Variants in FN1 observed in about 807,000 individuals in gnomAD.
FN1 encodes fibronectin.
In FN1, 106 loss-of-function variants were observed where a neutral mutation model predicts 297.3. That is an observed-to-expected ratio of 0.36 (90% CI 0.30 to 0.42). The LOEUF (loss-of-function observed/expected upper bound fraction) is 0.42. FN1 is among the 10% of genes least tolerant of loss of function. FN1 has a pLI of 1.00. For missense variants in FN1, 2,690 were observed against 3,124.9 expected (o/e 0.86, Z 3.32); for synonymous variants, 1,149 against 1,152.6 (o/e 1.00, Z 0.06).
intron 28 of FN1, among the ~76,000 whole-genome samples, chr2:215,386,252 T>C (rs1346085936): frequency 1.3e-5 from 2 of 151,898 alleles, no homozygotes; most frequent in Non-Finnish European, 2.9e-5. Context: ...AATTTTTGTA[T>C]ATTTAGTAGA....
chr2:215,367,007 A>T (rs1024216989), intron 42 of FN1, among the ~76,000 whole-genome samples: 1 of 152,216 alleles, frequency 6.6e-6, no homozygotes, highest in Non-Finnish European at 1.5e-5. Flanking sequence ...AATGATTTCA[A>T]GTATACAAGT....
At chr2:215,421,983 T>C in intron 10 of FN1, 108 bp downstream of exon 10, 1 of 1,041,534 alleles carries the variant, frequency 9.6e-7, no homozygotes, top group East Asian at 2.4e-5. Context: ...GACGTGGCAT[T>C]CCATATTTCT....
At chr2:215,418,270 T>C (rs1437799) in intron 12 of FN1, among the ~76,000 whole-genome samples, 41,797 of 152,124 alleles carry the variant, frequency 0.27, 6,136 homozygotes, top group Non-Finnish European at 0.31. Flanking sequence ...GGATGGAACA[T>C]TAAAGGTAAT....
At chr2:215,405,865 A>T (rs1028226956) in intron 19 of FN1, among the ~76,000 whole-genome samples, 1 of 152,226 alleles carries the variant, frequency 6.6e-6, no homozygotes, top group African/African-American at 2.4e-5. Context: ...GTAATACTAG[A>T]CACTTGACAA....
At chr2:215,400,898 T>C (rs965626078) in intron 20 of FN1, among the ~76,000 whole-genome samples, 5 of 150,694 alleles carry the variant, frequency 3.3e-5, no homozygotes, top group Non-Finnish European at 7.4e-5. Flanking sequence ...TGGGTTCAAG[T>C]GATTCTCCTG....
chr2:215,370,323 C>A lies in FN1; in HGVS notation c.6824G>T (p.Arg2275Leu), dbSNP rs6728999. The part of the protein sequence containing the change: ...ALKDQQRHKV[R>L]EEVVTVGNSV... The stretch of plus-strand genomic sequence containing the variant: ...GTTGCCCACGGTAACAACCTCTTCC[C>A]GAACCTTATGCCTCTGCTGGTCTTT... The change falls in exon 41 of 46, where the codon CGG becomes CTG. Residue 2275 changes from arginine to leucine, a missense_variant. Arg to Leu is a moderately radical substitution (Grantham distance 102, BLOSUM62 -2). Coordinates refer to ENST00000354785, the MANE Select transcript of FN1 (RefSeq NM_212482.4). The A allele has an allele frequency of 6.2e-7, 1 of 1,613,854 alleles. No homozygotes were observed. The highest frequency in any genetic ancestry group is 1.7e-5 in the Admixed American group (1 of 60,002).
rs374393885 is a variant in FN1 at position 215,383,452 on chromosome 2, G to A, written c.4926C>T (p.Thr1642=). The A allele has an allele frequency of 3.7e-5, 60 of 1,613,928 alleles. No individual in the cohort carries two copies. Among genetic ancestry groups the A allele is most frequent in the African/African-American group, 1.7e-4 (13 of 74,880 alleles). Residue 1642 remains threonine, a synonymous_variant, in exon 31 of 46, where the codon ACC becomes ACT. Coordinates refer to ENST00000354785, the MANE Select transcript of FN1 (RefSeq NM_212482.4). Reference sequence around the variant, plus strand: ...CACTAATGCTGTTGTCCTGAACATCGGTCACTTGCATCTGGGATGGTTTGT... The same window carrying A: ...CACTAATGCTGTTGTCCTGAACATCAGTCACTTGCATCTGGGATGGTTTGT... ...EIDKPSQMQV[T]DVQDNSISVK... is the part of the protein sequence containing the mutation.
Position 215,394,820 on chromosome 2 carries a change from C to A in FN1, c.3605-101G>T. The A allele has an allele frequency of 2.2e-6, 2 of 902,756 alleles. 1 individual carries two copies. The highest frequency in any genetic ancestry group is 2.7e-5 in the South Asian group (2 of 73,400). 55.9% of individuals were successfully genotyped at this position (902,756 alleles called of 1,614,324 possible). ...TGGATTCACAGGGCGGAATGCAGGA[C>A]TTGGCATTTACTGAGGACTCCACTG... On this transcript the variant is annotated intron_variant, in intron 23 of 45. Transcript: ENST00000354785.
rs1203655852 is a variant in FN1, at chr2:215,381,477, GTTTTGTTTTT to G, written c.5165-407_5165-398del. On this transcript the variant is annotated intron_variant, in intron 32 of 45. Coordinates refer to ENST00000354785, the MANE Select transcript of FN1 (RefSeq NM_212482.4). ...AGATTCAAATTGTTATAATTGTTTT[GTTTTGTTTTT>G]TTTTGAGATGGAGTCTCACTCTATC... The G allele has an allele frequency of 1.2e-4, 38 of 309,246 alleles. No homozygotes were observed. In the East Asian group the frequency reaches 2.0e-3, roughly 16 times the overall value. The allele number at this position is 309,246 out of a possible 1,614,324, so 19.2% of individuals were successfully genotyped here.
Position 215,365,501 on chromosome 2 carries a change from A to G in FN1, c.7144+4T>C, listed in dbSNP as rs751589162. 37 of 1,613,972 alleles carry G rather than the reference A, an allele frequency of 2.3e-5. No individual in the cohort carries two copies. The South Asian group carries it at 4.0e-4, about 17-fold the overall frequency. ...GGCACTAAAAATGATCTGTGATGACATACGAGGGTCACACTTGAATTCTCC... is the reference window on the plus strand; with the variant it reads ...GGCACTAAAAATGATCTGTGATGACGTACGAGGGTCACACTTGAATTCTCC... On this transcript the variant is annotated splice_donor_region_variant and intron_variant, in intron 43 of 45. Coordinates refer to ENST00000354785, the MANE Select transcript of FN1 (RefSeq NM_212482.4).
Position 215,406,244 on chromosome 2 carries a change from T to C in FN1, c.2980A>G (p.Thr994Ala), listed in dbSNP as rs771650351. The C allele has an allele frequency of 1.7e-5, 28 of 1,614,130 alleles. No individual in the cohort carries two copies. The South Asian group carries it at 3.0e-4, about 17-fold the overall frequency. The stretch of plus-strand genomic sequence containing the variant: ...GAGATAGGAGAAGACATACTGGTTG[T>C]CTGTTGAGCAGTCAGAGGCTTGCTC... ...RESKPLTAQQ[T>A]TKLDAPTNLQ... is the part of the protein sequence containing the mutation. The change falls in exon 19 of 46, where the codon ACA (threonine) becomes GCA (alanine). Residue 994 changes from threonine (T) to alanine (A), a missense_variant. Physicochemically the swap from Thr to Ala is moderately conservative, Grantham distance 58. Coordinates refer to ENST00000354785, the MANE Select transcript of FN1 (RefSeq NM_212482.4).
intron 12 of FN1, among the ~76,000 whole-genome samples, chr2:215,415,500 A>C (rs2063313776): frequency 6.6e-6 from 1 of 152,210 alleles, no homozygotes; most frequent in African/African-American, 2.4e-5. Flanking sequence ...GTAATAATTA[A>C]AGACCTAGTT....
At chr2:215,434,436 CTT>C (rs1221213012) in intron 2 of FN1, among the ~76,000 whole-genome samples, 1 of 152,132 alleles carries the variant, frequency 6.6e-6, no homozygotes, top group South Asian at 2.1e-4. Context: ...CACACAAAAT[CTT>C]TCATTTTTCT....
rs564563866 is a variant in FN1 at position 215,426,709 on chromosome 2, T to C, written c.845-1424A>G. Among the ~76,000 whole-genome samples the C allele has an allele frequency of 3.9e-5, 6 of 152,250 alleles. No individual in the cohort carries two copies. The South Asian group carries it at 1.0e-3, about 26-fold the overall frequency. On this transcript the variant is annotated intron_variant, in intron 6 of 45. Coordinates refer to ENST00000354785, the MANE Select transcript of FN1 (RefSeq NM_212482.4). Reference sequence around the variant, plus strand: ...ACAGATTCTGCAGAGCAGGTTCCATTTTGTTTAACCCATTGCTTCTCAAAC... The same window carrying C: ...ACAGATTCTGCAGAGCAGGTTCCATCTTGTTTAACCCATTGCTTCTCAAAC...
At chr2:215,418,526 C>T (rs1022551640) in intron 12 of FN1, among the ~76,000 whole-genome samples, 1 of 152,182 alleles carries the variant, frequency 6.6e-6, no homozygotes, top group African/African-American at 2.4e-5. Flanking sequence ...AGCAGTTGCT[C>T]AAATAACTGA....
Position 215,435,772 on chromosome 2 carries a change from G to T in FN1, c.31C>A (p.Leu11Met). Residue 11 changes from leucine (L) to methionine (M), a missense_variant, in exon 1 of 46, where the codon CTG (leucine) becomes ATG (methionine). Transcript: ENST00000354785. Reference sequence around the variant, plus strand: ...GTCCCCAGGCACTGGACGGCCAGCAGCAGCAGCCCGGGCCCCGGACCCCTA... The same window carrying T: ...GTCCCCAGGCACTGGACGGCCAGCATCAGCAGCCCGGGCCCCGGACCCCTA... MLRGPGPGLL[L>M]LAVQCLGTAV... is the part of the protein sequence containing the mutation. The T allele has an allele frequency of 6.3e-7, 1 of 1,582,206 alleles. No individual in the cohort carries two copies.
In FN1 at chr2:215,375,267, G is replaced by A; in HGVS notation, c.6104C>T (p.Pro2035Leu). Residue 2035 changes from proline to leucine, a missense_variant, in exon 38 of 46, where the codon CCC (proline) becomes CTC (leucine). Physicochemically the swap from Pro to Leu is moderately conservative, Grantham distance 98. Transcript: ENST00000354785. ...GCGGGGCCGAGGGACCACTTCTCTGGGAGGAGACCCAGGCTTCTCATACTT... is the reference window on the plus strand; with the variant it reads ...GCGGGGCCGAGGGACCACTTCTCTGAGAGGAGACCCAGGCTTCTCATACTT... ...IIKYEKPGSP[P>L]REVVPRPRPG... is the part of the protein sequence containing the mutation. 6.2e-7 allele frequency: 1 copy of A among 1,614,114 alleles called. No homozygotes were observed. Among genetic ancestry groups the A allele is most frequent in the Non-Finnish European group, 8.5e-7 (1 of 1,180,016 alleles).
At chr2:215,413,491 GATTA>G (rs1332248727) in intron 13 of FN1, among the ~76,000 whole-genome samples, 5 of 152,126 alleles carry the variant, frequency 3.3e-5, no homozygotes, top group African/African-American at 1.2e-4. Flanking sequence ...TTGCCCCTGT[GATTA>G]ATTATCCACA....
Position 215,409,918 on chromosome 2 carries a change from G to A in FN1, c.2122+16C>T, listed in dbSNP as rs2106301795. The stretch of plus-strand genomic sequence containing the variant: ...AACCTCGGGGGTAGGAGGCATGAGG[G>A]TGGTTGTGTACATACTGGTCACAGG... On this transcript the variant is annotated intron_variant, in intron 14 of 45. Transcript: ENST00000354785. 1 of 1,613,636 alleles carries A rather than the reference G, an allele frequency of 6.2e-7. No homozygotes were observed. The highest frequency in any genetic ancestry group is 1.1e-5 in the South Asian group (1 of 91,028).
Sources: allele counts gnomAD v4.1 joint callset (sites outside exome capture counted in the v4.1 genomes callset), GRCh38; gene constraint gnomAD v4.1.1; transcripts MANE v1.5; gene names NCBI Gene and HGNC (gene_info 2026-07-23, HGNC 2026-07-21).